The following CDK14 variants were observed in gnomAD, a reference collection of about 807,000 sequenced individuals.
CDK14 encodes the protein cyclin dependent kinase 14.
A neutral mutation model predicts 60.7 loss-of-function variants in CDK14; 34 were observed. That is an observed-to-expected ratio of 0.56 (90% CI 0.43 to 0.75). The LOEUF is 0.75. Ranked by LOEUF, CDK14 falls within the 30% of genes least tolerant of loss-of-function variation. The pLI is 0.00. For synonymous variants in CDK14, 197 were observed against 203.7 expected, an observed-to-expected ratio of 0.97 and a Z score of 0.28; for missense variants, 482 against 564.1, an observed-to-expected ratio of 0.85 and a Z score of 1.47.
At chr7:90,828,406 A>G (rs1024456045) in intron 5 of CDK14, among the ~76,000 whole-genome samples, 5 of 152,110 alleles carry the variant, frequency 3.3e-5, no homozygotes, top group African/African-American at 9.7e-5. Context: ...TTATTTTTCT[A>G]CCTTGAAGTA....
chr7:90,903,629 A>G (rs1792592143), intron 7 of CDK14, among the ~76,000 whole-genome samples: 1 of 152,164 alleles, frequency 6.6e-6, no homozygotes, highest in African/African-American at 2.4e-5. Flanking sequence ...GATAGAAGGA[A>G]TATGTTCTAG....
intron 14 of CDK14, among the ~76,000 whole-genome samples, chr7:91,163,974 T>A (rs1801256161): frequency 6.6e-6 from 1 of 152,166 alleles, no homozygotes; most frequent in East Asian, 1.9e-4. Flanking sequence ...CACCTACTAG[T>A]TGTGTGGTCA....
At chr7:90,860,907 T>C (rs1030512094) in intron 5 of CDK14, among the ~76,000 whole-genome samples, 1 of 152,170 alleles carries the variant, frequency 6.6e-6, no homozygotes, top group Non-Finnish European at 1.5e-5. Flanking sequence ...CAGCTATTCC[T>C]TGTCAAGGTC....
rs765425436 is a variant in CDK14, at chr7:91,133,133, TAAAAG to T, written c.*28+14929_*28+14933del. Among the ~76,000 whole-genome samples, 9 of 152,274 alleles carry T rather than the reference TAAAAG, an allele frequency of 5.9e-5. No individual in the cohort carries two copies. In the South Asian group the frequency reaches 6.2e-4, roughly 11 times the overall value. Reference sequence around the variant, plus strand: ...AAAAATTTAAGACAATTTTCAAAGTTAAAAGAAATGTTTAAGAATTCAGTATCTTC... The same window carrying T: ...AAAAATTTAAGACAATTTTCAAAGTTAAATGTTTAAGAATTCAGTATCTTC... On this transcript the variant is annotated intron_variant, in intron 14 of 14. Coordinates refer to ENST00000380050, the MANE Select transcript of CDK14 (RefSeq NM_001287135.2).
intron 2 of CDK14, among the ~76,000 whole-genome samples, chr7:90,695,143 A>T (rs551372524): frequency 6.6e-6 from 1 of 152,064 alleles, no homozygotes; most frequent in Non-Finnish European, 1.5e-5. Flanking sequence ...TCTACACTTC[A>T]TCTTTCACCT....
chr7:90,819,922 T>G lies in CDK14; in HGVS notation c.544+29270T>G, dbSNP rs114545639. Among the ~76,000 whole-genome samples, 1,222 of 152,288 alleles carry G rather than the reference T, an allele frequency of 8.0e-3. 23 individuals are homozygous for G. The highest frequency in any genetic ancestry group is 0.028 in the African/African-American group (1,173 of 41,558). ...AATGTTTTAAAGGTTATCAGTTACC[T>G]TTCCAAATTTTTGGTCATCCTTAAC... On this transcript the variant is annotated intron_variant, in intron 5 of 14. Coordinates refer to ENST00000380050, the MANE Select transcript of CDK14 (RefSeq NM_001287135.2).
intron 13 of CDK14, among the ~76,000 whole-genome samples, chr7:91,112,930 T>C (rs1250206299): frequency 6.6e-6 from 1 of 152,058 alleles, no homozygotes; most frequent in Admixed American, 6.6e-5. Flanking sequence ...CTGCCATTCA[T>C]TTGCTAGCTT....
At chr7:90,979,581 C>T (rs879703587) in intron 9 of CDK14, 4 of 152,118 alleles carry the variant, frequency 2.6e-5, no homozygotes, top group Non-Finnish European at 5.9e-5. Flanking sequence ...TAGAAGTTTT[C>T]CCAAAATTAA....
At chr7:90,805,407 C>A (rs1015869722) in intron 5 of CDK14, among the ~76,000 whole-genome samples, 1 of 147,932 alleles carries the variant, frequency 6.8e-6, no homozygotes, top group Non-Finnish European at 1.5e-5. Context: ...AAAGGCTTAA[C>A]AAACTTTGAA....
Position 91,090,947 on chromosome 7 carries a change from G to A in CDK14, c.1154+11467G>A, listed in dbSNP as rs73400958. Among the ~76,000 whole-genome samples, 1,244 of 151,736 alleles carry A rather than the reference G, an allele frequency of 8.2e-3. 18 individuals carry two copies. Among genetic ancestry groups the A allele is most frequent in the African/African-American group, 0.028 (1,140 of 41,370 alleles). ...CTTAGTAAATGTGCTAAAATGTGTC[G>A]GGCTACATAGAAGCTTGACACCCAG... is the stretch of plus-strand genomic sequence containing the variant. On this transcript the variant is annotated intron_variant, in intron 12 of 14. Coordinates refer to ENST00000380050, the MANE Select transcript of CDK14 (RefSeq NM_001287135.2).
At chr7:91,158,488 A>C (rs374452147) in intron 14 of CDK14, among the ~76,000 whole-genome samples, 2 of 152,252 alleles carry the variant, frequency 1.3e-5, no homozygotes, top group African/African-American at 2.4e-5. Flanking sequence ...AAGTGCTGAG[A>C]TTACAGGCCA....
At chr7:91,018,055 A>T (rs1796345122) in intron 10 of CDK14, among the ~76,000 whole-genome samples, 1 of 152,208 alleles carries the variant, frequency 6.6e-6, no homozygotes, top group Non-Finnish European at 1.5e-5. Flanking sequence ...TTTATAACTG[A>T]TGACGTAAAT....
chr7:90,671,748 A>G (rs888643095), intron 2 of CDK14, among the ~76,000 whole-genome samples: 9 of 152,218 alleles, frequency 5.9e-5, no homozygotes, highest in African/African-American at 2.2e-4. Context: ...AATTGTTTCT[A>G]ATGAATTTTA....
chr7:91,139,997 T>C (rs1162560025), intron 14 of CDK14, among the ~76,000 whole-genome samples: 1 of 152,144 alleles, frequency 6.6e-6, no homozygotes, highest in Non-Finnish European at 1.5e-5. Context: ...CTGAATCAGA[T>C]TGAACTTTAA....
chr7:91,156,391 A>G (rs982544029), intron 14 of CDK14, among the ~76,000 whole-genome samples: 5 of 152,278 alleles, frequency 3.3e-5, no homozygotes, highest in African/African-American at 9.6e-5. Flanking sequence ...CAGCACAGCA[A>G]TGAGCCCCGA....
intron 12 of CDK14, among the ~76,000 whole-genome samples, chr7:91,109,327 C>A (rs78597638): frequency 0.014 from 2,093 of 152,170 alleles, 22 homozygotes; most frequent in Non-Finnish European, 0.023. Flanking sequence ...CTGTGTGTTT[C>A]CAGTTTTGTG....
chr7:91,178,456 C>T (rs1338223111), intron 14 of CDK14, among the ~76,000 whole-genome samples: 1 of 139,752 alleles, frequency 7.2e-6, no homozygotes, highest in Non-Finnish European at 1.6e-5. Context: ...CCAAAATTGA[C>T]AAATGGGATC....
At position 90,686,480 on chromosome 7, in the gene CDK14, T is replaced by C. The variant is rs935414742; in HGVS notation, c.124-40087T>C. ...GAATTAACTTATGAAAAATGAATTA[T>C]ACAATATAGTTTTGTTTATTTCATT... is the stretch of plus-strand genomic sequence containing the variant. On this transcript the variant is annotated intron_variant, in intron 2 of 14. Transcript: ENST00000380050. 2.6e-5 allele frequency among the ~76,000 whole-genome samples: 4 copies of C among 152,168 alleles called. No homozygotes were observed. In the South Asian group the frequency reaches 8.3e-4, roughly 31 times the overall value.
chr7:90,636,973 T>C (rs1275780415), intron 2 of CDK14, among the ~76,000 whole-genome samples: 8 of 151,736 alleles, frequency 5.3e-5, no homozygotes, highest in Admixed American at 5.3e-4. Flanking sequence ...GTGGGATCGG[T>C]GGTGATATCC....
Sources: allele counts gnomAD v4.1 joint callset (sites outside exome capture counted in the v4.1 genomes callset), GRCh38; gene constraint gnomAD v4.1.1; transcripts MANE v1.5; gene names NCBI Gene and HGNC (gene_info 2026-07-23, HGNC 2026-07-21).